Variants in RAD51B observed in about 807,000 individuals in gnomAD.
The protein encoded by RAD51B is RAD51 paralog B, also known as DNA repair protein RAD51 homolog 2.
RAD51B carries 38 observed loss-of-function variants against 42.2 expected under a neutral mutation model. The observed-to-expected ratio is 0.90, with a 90% CI of 0.70 to 1.18. RAD51B has a LOEUF of 1.18. Ranked by LOEUF, RAD51B falls within the 50% of genes most tolerant of loss-of-function variation. The pLI is 0.00. For missense variants in RAD51B, 373 were observed against 400.7 expected (o/e 0.93, Z 0.59); for synonymous variants, 154 against 145.2 (o/e 1.06, Z -0.43).
At chr14:68,031,330 T>A (rs2076038485) in intron 7 of RAD51B, among the ~76,000 whole-genome samples, 1 of 152,200 alleles carries the variant, frequency 6.6e-6, no homozygotes, top group African/African-American at 2.4e-5. Context: ...ATGATTCAAT[T>A]ATTTCCACCT....
chr14:68,274,027 T>G (rs2081173460), intron 7 of RAD51B, among the ~76,000 whole-genome samples: 1 of 152,172 alleles, frequency 6.6e-6, no homozygotes, highest in Non-Finnish European at 1.5e-5. Context: ...TTCCCCACTC[T>G]CCTTTGCTTC....
intron 10 of RAD51B, among the ~76,000 whole-genome samples, chr14:68,624,942 G>T (rs1461952771): frequency 2.6e-5 from 4 of 152,236 alleles, no homozygotes; most frequent in African/African-American, 7.2e-5. Context: ...ATGGAGCTAA[G>T]GGGTCACTTT....
chr14:68,124,751 A>G (rs1174462573), intron 7 of RAD51B, among the ~76,000 whole-genome samples: 2 of 152,154 alleles, frequency 1.3e-5, no homozygotes, highest in Non-Finnish European at 2.9e-5. Context: ...CAGGAGTTTG[A>G]GACCAGCCTG....
chr14:67,831,194 A>T (rs776875103), intron 3 of RAD51B, among the ~76,000 whole-genome samples: 5 of 152,156 alleles, frequency 3.3e-5, no homozygotes, highest in African/African-American at 1.2e-4. Flanking sequence ...CTAATTTAAG[A>T]TGTTTATAAA....
intron 7 of RAD51B, among the ~76,000 whole-genome samples, chr14:68,106,155 C>T (rs966182866): frequency 6.6e-6 from 1 of 151,794 alleles, no homozygotes; most frequent in Non-Finnish European, 1.5e-5. Flanking sequence ...TCGTTTTGTT[C>T]TATTTTCCTA....
At chr14:68,302,443 A>G (rs1595681859) in intron 8 of RAD51B, among the ~76,000 whole-genome samples, 2 of 152,288 alleles carry the variant, frequency 1.3e-5, no homozygotes, top group East Asian at 1.9e-4. Flanking sequence ...AATAGGAGAG[A>G]GAGAAGGGGA....
At chr14:68,674,413 CAT>C (rs2140158230) in intron 11 of RAD51B, among the ~76,000 whole-genome samples, 1 of 151,994 alleles carries the variant, frequency 6.6e-6, no homozygotes, top group African/African-American at 2.4e-5. Flanking sequence ...TCTAATGTAT[CAT>C]ACATATTATA....
chr14:67,967,101 A>G (rs2074795671), intron 7 of RAD51B, among the ~76,000 whole-genome samples: 1 of 152,208 alleles, frequency 6.6e-6, no homozygotes, highest in South Asian at 2.1e-4. Flanking sequence ...GCAAGAGGAA[A>G]AATGAGGAGG....
chr14:68,082,868 T>G (rs1167982334), intron 7 of RAD51B, among the ~76,000 whole-genome samples: 1 of 152,228 alleles, frequency 6.6e-6, no homozygotes, highest in Non-Finnish European at 1.5e-5. Context: ...TTTATTGTGT[T>G]CTGACACATC....
intron 3 of RAD51B, among the ~76,000 whole-genome samples, chr14:67,827,283 C>T (rs531326708): frequency 1.3e-5 from 2 of 152,212 alleles, no homozygotes; most frequent in Non-Finnish European, 2.9e-5. Flanking sequence ...GGCATATTTC[C>T]CGTTAATAAA....
intron 8 of RAD51B, among the ~76,000 whole-genome samples, chr14:68,386,463 C>T (rs2083596617): frequency 6.6e-6 from 1 of 152,214 alleles, no homozygotes; most frequent in Non-Finnish European, 1.5e-5. Flanking sequence ...AAGGCACCCA[C>T]TGAATATCTT....
At chr14:68,464,623 C>T (rs565464166) in intron 9 of RAD51B, among the ~76,000 whole-genome samples, 1 of 152,310 alleles carries the variant, frequency 6.6e-6, no homozygotes, top group African/African-American at 2.4e-5. Flanking sequence ...CTTTTGGTCA[C>T]TCACAAGTCC....
chr14:67,954,181 G>A (rs973753187), intron 7 of RAD51B, among the ~76,000 whole-genome samples: 18 of 152,120 alleles, frequency 1.2e-4, no homozygotes, highest in African/African-American at 4.3e-4. Flanking sequence ...AATCATCACA[G>A]AAGCTGTTAG....
intron 8 of RAD51B, among the ~76,000 whole-genome samples, chr14:68,409,462 G>T (rs1047746145): frequency 4.6e-5 from 7 of 152,178 alleles, no homozygotes; most frequent in Non-Finnish European, 1.0e-4. Flanking sequence ...AAGAAAAAAT[G>T]TGGTCATGCC....
intron 7 of RAD51B, among the ~76,000 whole-genome samples, chr14:68,226,923 C>T (rs578092310): frequency 1.1e-3 from 160 of 152,198 alleles, no homozygotes; most frequent in Non-Finnish European, 1.9e-3. Flanking sequence ...TTCTTTACTT[C>T]GTTTCTTTTT....
intron 7 of RAD51B, among the ~76,000 whole-genome samples, chr14:67,935,152 G>C (rs1033308493): frequency 6.6e-6 from 1 of 152,138 alleles, no homozygotes; most frequent in Non-Finnish European, 1.5e-5. Context: ...TAGTGTACTT[G>C]GTATAAGATA....
intron 10 of RAD51B, among the ~76,000 whole-genome samples, chr14:68,561,467 G>T (rs1402538914): frequency 6.6e-6 from 1 of 152,198 alleles, no homozygotes; most frequent in Non-Finnish European, 1.5e-5. Context: ...CCTCTGCTCT[G>T]CAGAGCACCG....
intron 10 of RAD51B, among the ~76,000 whole-genome samples, chr14:68,486,537 G>A (rs1012693314): frequency 2.6e-5 from 4 of 152,158 alleles, no homozygotes; most frequent in East Asian, 1.9e-4. Context: ...GTGCCCCTCC[G>A]GAGTTAATCA....
intron 7 of RAD51B, among the ~76,000 whole-genome samples, chr14:67,897,009 C>T (rs529047391): frequency 2.2e-4 from 33 of 152,202 alleles, no homozygotes; most frequent in African/African-American, 7.7e-4. Flanking sequence ...ACAGCCTCTT[C>T]AATAAACGGT....
Sources: allele counts gnomAD v4.1 joint callset (sites outside exome capture counted in the v4.1 genomes callset), GRCh38; gene constraint gnomAD v4.1.1; transcripts MANE v1.5; gene names NCBI Gene and HGNC (gene_info 2026-07-23, HGNC 2026-07-21).